UMOD: variants seen among roughly 807,000 people sequenced by gnomAD.
UMOD encodes uromodulin, also known as Tamm-Horsfall urinary glycoprotein.
A neutral mutation model predicts 66.0 loss-of-function variants in UMOD; 64 were observed. The ratio of observed to expected loss-of-function variants is 0.97; its 90% CI spans 0.79 to 1.19. The LOEUF is 1.19. Ranked by LOEUF, UMOD falls within the 50% of genes most tolerant of loss-of-function variation. UMOD has a pLI of 0.00. For synonymous variants in UMOD, 398 were observed against 352.7 expected (o/e 1.13, Z -1.44); for missense variants, 764 against 850.9 (o/e 0.90, Z 1.27).
chr16:20,333,899 T>G (rs532349522), intron 10 of UMOD, among the ~76,000 whole-genome samples: 6 of 151,956 alleles, frequency 3.9e-5, no homozygotes, highest in Admixed American at 3.9e-4. Flanking sequence ...CCGGGCGTGG[T>G]GGTGCACGCC....
chr16:20,344,137 G>A lies in UMOD; in HGVS notation c.1218C>T (p.Leu406=), dbSNP rs1965399163. The A allele has an allele frequency of 2.5e-6, 4 of 1,612,980 alleles. No homozygotes were observed. The highest frequency in any genetic ancestry group is 3.4e-6 in the Non-Finnish European group (4 of 1,179,532). Residue 406 remains leucine, a synonymous_variant, in exon 6 of 11, where the codon CTC becomes CTT. Transcript: ENST00000396138. ...NETHATYSNT[L]YLADEIIIRD... ...GGATGATGATCTCATCTGCCAGGTAGAGGGTGTTGCTGTAAGTGGCATGGG... is the reference window on the plus strand; with the variant it reads ...GGATGATGATCTCATCTGCCAGGTAAAGGGTGTTGCTGTAAGTGGCATGGG...
At chr16:20,333,770 A>G (rs939987766) in intron 10 of UMOD, among the ~76,000 whole-genome samples, 10 of 152,270 alleles carry the variant, frequency 6.6e-5, no homozygotes, top group African/African-American at 2.4e-4. Context: ...GGGGTGGCTC[A>G]CATCTTTAAC....
Position 20,341,186 on chromosome 16 carries a change from GC to G in UMOD, c.1481del (p.Gly494AlafsTer10). The G allele has an allele frequency of 6.2e-7, 1 of 1,613,942 alleles. No individual in the cohort carries two copies. The highest frequency in any genetic ancestry group is 1.1e-5 in the South Asian group (1 of 91,048). On this transcript the variant is annotated frameshift_variant, in exon 7 of 11. Transcript: ENST00000396138. LOFTEE classifies it high-confidence loss of function. ...FLYVGTMLDG[G>X]DLSRFALLMT... ...TGAGCAGTGCAAATCGGGACAGGTC[GC>G]CCCCATCCAACATGGTGCCCACGTA...
intron 6 of UMOD, 23 bp downstream of exon 6, chr16:20,344,001 C>T (rs1447715357): frequency 6.2e-7 from 1 of 1,612,812 alleles, no homozygotes; most frequent in Non-Finnish European, 8.5e-7. Flanking sequence ...TCTAGGGGCC[C>T]TAGGGACCCT....
chr16:20,347,319 G>C (rs945775565), intron 4 of UMOD, among the ~76,000 whole-genome samples: 2 of 152,060 alleles, frequency 1.3e-5, no homozygotes, highest in East Asian at 3.9e-4. Flanking sequence ...CACTGCGCCC[G>C]GCCCACTAAC....
At position 20,346,182 on chromosome 16, in the gene UMOD, C is replaced by G. The variant is rs1408062661; in HGVS notation, c.1126G>C (p.Asp376His). Residue 376 changes from aspartate to histidine, a missense_variant, in exon 5 of 11, where the codon GAC (aspartate) becomes CAC (histidine). Asp to His is a moderately conservative substitution (Grantham distance 81). Transcript: ENST00000396138. ...CSGFNDRDNRDWVSVVTPARD... is the reference protein window; with the variant it reads ...CSGFNDRDNRHWVSVVTPARD... ...GCTGGGGTCACTACAGACACCCAGT[C>G]CCGGTTGTCTCTGTCATTGAAGCCC... 1 of 1,614,226 alleles carries G rather than the reference C, an allele frequency of 6.2e-7. No homozygotes were observed. Among genetic ancestry groups the G allele is most frequent in the East Asian group, 2.2e-5 (1 of 44,882 alleles).
chr16:20,348,384 T>C, intron 3 of UMOD, 52 bp downstream of exon 3: 1 of 1,614,078 alleles, frequency 6.2e-7, no homozygotes, highest in African/African-American at 1.3e-5. Flanking sequence ...CCCCGTCCTC[T>C]GCAGTGCCTT....
rs985621780 is a variant in UMOD, at chr16:20,335,483, C to G, written c.1860G>C (p.Leu620Phe). ...ACTGCAGAAAGGACCTGAACTTACC[C>G]AAGCTGCTAAAAGCCCTTGAGACTG... ...QATVSRAFSS[L>F]GLLKVWLPLL... The change falls in exon 10 of 11, where the codon TTG becomes TTC. Residue 620 changes from leucine to phenylalanine, a missense_variant and splice_region_variant. By Grantham distance (22) the Leu-to-Phe change is conservative. Coordinates refer to ENST00000396138, the MANE Select transcript of UMOD (RefSeq NM_003361.4). 4 of 1,613,996 alleles carry G rather than the reference C, an allele frequency of 2.5e-6. No homozygotes were observed. In the African/African-American group the frequency reaches 5.3e-5, roughly 22 times the overall value.
chr16:20,350,859 G>C lies in UMOD; in HGVS notation c.-102-20C>G, dbSNP rs935049015. On this transcript the variant is annotated intron_variant, in intron 1 of 10. Coordinates refer to ENST00000396138, the MANE Select transcript of UMOD (RefSeq NM_003361.4). ...GGTGTCCTGTGAACAGAGATGGATG[G>C]GACAAATGCATGATCTAACTCTCCT... The C allele has an allele frequency of 6.5e-7, 1 of 1,545,642 alleles. No individual in the cohort carries two copies. Among genetic ancestry groups the C allele is most frequent in the African/African-American group, 1.4e-5 (1 of 73,524 alleles).
Position 20,348,764 on chromosome 16 carries a change from G to A in UMOD, c.537C>T (p.Thr179=). 1 of 1,543,546 alleles carries A rather than the reference G, an allele frequency of 6.5e-7. No individual in the cohort carries two copies. Among genetic ancestry groups the A allele is most frequent in the African/African-American group, 1.4e-5 (1 of 73,122 alleles). ...CGGTGCTGCGCCAGTACTCGTCCAG[G>A]GTGCGGTGCGCCTGGCACGGATCCG... ...VCADPCQAHR[T]LDEYWRSTEY... The change falls in exon 3 of 11, where the codon ACC becomes ACT. Residue 179 remains threonine (T), a synonymous_variant. Coordinates refer to ENST00000396138, the MANE Select transcript of UMOD (RefSeq NM_003361.4).
rs1964936302 is a variant in UMOD, at chr16:20,337,332, C to T, written c.1699G>A (p.Glu567Lys). 3 of 1,614,086 alleles carry T rather than the reference C, an allele frequency of 1.9e-6. No individual in the cohort carries two copies. The highest frequency in any genetic ancestry group is 3.3e-5 in the Admixed American group (2 of 60,012). The part of the protein sequence containing the change: ...GNYDLVYLHC[E>K]VYLCDTMNEK... ...TTCATGGTGTCACAGAGATAGACTTCACAGTGCAGGTAGACTAGGTCATAG... is the reference window on the plus strand; with the variant it reads ...TTCATGGTGTCACAGAGATAGACTTTACAGTGCAGGTAGACTAGGTCATAG... The change falls in exon 8 of 11, where the codon GAA becomes AAA. Residue 567 changes from glutamate (E) to lysine (K), a missense_variant. Coordinates refer to ENST00000396138, the MANE Select transcript of UMOD (RefSeq NM_003361.4).
At position 20,341,136 on chromosome 16, in the gene UMOD, C is replaced by T. The variant is rs1965188679; in HGVS notation, c.1532G>A (p.Ser511Asn). The T allele has an allele frequency of 6.2e-7, 1 of 1,614,100 alleles. No individual in the cohort carries two copies. The highest frequency in any genetic ancestry group is 8.5e-7 in the Non-Finnish European group (1 of 1,180,010). The change falls in exon 7 of 11, where the codon AGT (serine) becomes AAT (asparagine). Residue 511 changes from serine to asparagine, a missense_variant. Transcript: ENST00000396138. ...LLMTNCYATP[S>N]SNATDPLKYF... is the part of the protein sequence containing the mutation. The stretch of plus-strand genomic sequence containing the variant: ...CTTCAGGGGGTCCGTGGCATTGCTA[C>T]TGGGTGTGGCATAGCAGTTGGTCAT...
rs1965762815 is a variant in UMOD, at chr16:20,349,124, A to G, written c.177T>C (p.Asp59=). 6.2e-7 allele frequency: 1 copy of G among 1,613,962 alleles called. No homozygotes were observed. Residue 59 remains aspartate, a synonymous_variant, in exon 3 of 11, where the codon GAT becomes GAC. Transcript: ENST00000396138. ...TCTCQEGFTG[D]GLTCVDLDEC... ...CATCCAGGTCCACGCAGGTCAGGCCATCGCCGGTGAAGCCCTCCTGACAGG... is the reference window on the plus strand; with the variant it reads ...CATCCAGGTCCACGCAGGTCAGGCCGTCGCCGGTGAAGCCCTCCTGACAGG...
intron 5 of UMOD, among the ~76,000 whole-genome samples, chr16:20,344,658 G>C (rs890368990): frequency 6.9e-6 from 1 of 145,054 alleles, no homozygotes; most frequent in African/African-American, 2.6e-5. Flanking sequence ...CCTGAACAAC[G>C]AGCCAATTAA....
Position 20,346,149 on chromosome 16 carries a change from C to T in UMOD, c.1159G>A (p.Gly387Ser). The T allele has an allele frequency of 1.2e-6, 2 of 1,614,088 alleles. No individual in the cohort carries two copies. The highest frequency in any genetic ancestry group is 1.7e-5 in the Admixed American group (1 of 60,030). Reference sequence around the variant, plus strand: ...ACCGTCAACACTGTCCCACAGGGGCCATCCCGGGCTGGGGTCACTACAGAC... The same window carrying T: ...ACCGTCAACACTGTCCCACAGGGGCTATCCCGGGCTGGGGTCACTACAGAC... ...WVSVVTPARD[G>S]PCGTVLTRNE... is the part of the protein sequence containing the mutation. The change falls in exon 5 of 11, where the codon GGC (glycine) becomes AGC (serine). Residue 387 changes from glycine to serine, a missense_variant. Transcript: ENST00000396138.
At chr16:20,342,532 C>T (rs1002099909) in intron 6 of UMOD, 15 of 152,136 alleles carry the variant, frequency 9.9e-5, no homozygotes, top group Non-Finnish European at 2.1e-4. Context: ...TCATCAGTGC[C>T]CAGCATCCTT....
chr16:20,352,595 C>A, intron 1 of UMOD, 94 bp downstream of exon 1: 1 of 973,626 alleles, frequency 1.0e-6, no homozygotes, highest in Non-Finnish European at 1.3e-6. Flanking sequence ...CCAGGTCTGA[C>A]CCCAGTGTCC....
intron 2 of UMOD, 30 bp downstream of exon 2, chr16:20,350,619 CA>C: frequency 6.8e-6 from 11 of 1,612,926 alleles, no homozygotes; most frequent in Non-Finnish European, 9.3e-6. Context: ...TGCATACACA[CA>C]TATACAACGC....
chr16:20,345,999 A>T, intron 5 of UMOD, 127 bp downstream of exon 5: 2 of 792,344 alleles, frequency 2.5e-6, no homozygotes, highest in Non-Finnish European at 4.1e-6. Context: ...TCTCCACTTT[A>T]CAGTTGATGA....
Sources: allele counts gnomAD v4.1 joint callset (sites outside exome capture counted in the v4.1 genomes callset), GRCh38; gene constraint gnomAD v4.1.1; transcripts MANE v1.5; gene names NCBI Gene and HGNC (gene_info 2026-07-23, HGNC 2026-07-21).